The following ZPBP variants were observed in gnomAD, a reference collection of about 807,000 sequenced individuals.
ZPBP encodes the protein zona pellucida binding protein.
A neutral mutation model predicts 44.8 loss-of-function variants in ZPBP; 26 were observed. The ratio of observed to expected loss-of-function variants is 0.58; its 90% CI spans 0.43 to 0.81. The LOEUF (loss-of-function observed/expected upper bound fraction) is 0.81. ZPBP is among the 30% of genes least tolerant of loss of function. ZPBP has a pLI of 0.00. For missense variants in ZPBP, 409 were observed against 434.0 expected (o/e 0.94, Z 0.51); for synonymous variants, 174 against 153.2 (o/e 1.14, Z -1.00).
chr7:49,929,846 A>G (rs188322582), intron 1 of ZPBP, among the ~76,000 whole-genome samples: 121 of 152,344 alleles, frequency 7.9e-4, no homozygotes, highest in Admixed American at 2.3e-3. Flanking sequence ...TACTAATGTG[A>G]AGGGTGTGTA....
At chr7:49,940,654 C>CAAAA in intron 7 of ZPBP, 1 of 472,494 alleles carries the variant, frequency 2.1e-6, no homozygotes, top group Non-Finnish European at 2.7e-6. Context: ...GTTCTGAATC[C>CAAAA]AAAAAAAAAA....
At chr7:50,087,307 G>T (rs1802708828) in intron 2 of ZPBP, among the ~76,000 whole-genome samples, 3 of 151,922 alleles carry the variant, frequency 2.0e-5, no homozygotes, top group Admixed American at 1.3e-4. Flanking sequence ...CATAAGAAAG[G>T]ATTATACATC....
chr7:49,897,487 A>C (rs1792447335), intron 2 of ZPBP, among the ~76,000 whole-genome samples: 1 of 152,190 alleles, frequency 6.6e-6, no homozygotes, highest in Non-Finnish European at 1.5e-5. Flanking sequence ...TTGGCTTAGT[A>C]CTCAAACACT....
intron 1 of ZPBP, among the ~76,000 whole-genome samples, chr7:50,091,746 G>T (rs1803002641): frequency 6.6e-6 from 1 of 152,100 alleles, no homozygotes; most frequent in Non-Finnish European, 1.5e-5. Flanking sequence ...AGTCTTCATT[G>T]TTAAATGAGC....
chr7:50,058,145 A>ATACAGTGCGGT lies in ZPBP; in HGVS notation c.335-5_335-4insACCGCACTGTA. 6.2e-7 allele frequency: 1 copy of ATACAGTGCGGT among 1,613,644 alleles called. No homozygotes were observed. The highest frequency in any genetic ancestry group is 2.2e-5 in the East Asian group (1 of 44,826). ...ATTTGTGCAGTGCGGTTTTCTACTA[A>ATACAGTGCGGT]AGGAATAAGATACAGTTACGAGTTG... On this transcript the variant is annotated splice_region_variant and splice_polypyrimidine_tract_variant and intron_variant, in intron 3 of 7. Coordinates refer to ENST00000046087, the MANE Select transcript of ZPBP (RefSeq NM_007009.3).
intron 1 of ZPBP, chr7:49,920,084 T>C (rs1005000078): frequency 3.3e-5 from 5 of 152,026 alleles, no homozygotes; most frequent in African/African-American, 1.2e-4. Flanking sequence ...AGAGGACAAA[T>C]CATGTTATTA....
At chr7:50,090,546 T>A (rs1562622450) in intron 1 of ZPBP, among the ~76,000 whole-genome samples, 1 of 151,418 alleles carries the variant, frequency 6.6e-6, no homozygotes, top group Non-Finnish European at 1.5e-5. Flanking sequence ...TGTATATATG[T>A]GTGCATATAT....
At chr7:50,034,288 C>G (rs1258530463) in intron 4 of ZPBP, among the ~76,000 whole-genome samples, 1 of 151,850 alleles carries the variant, frequency 6.6e-6, no homozygotes. Context: ...CCCACTCACT[C>G]ATCTGACTTG....
intron 1 of ZPBP, among the ~76,000 whole-genome samples, chr7:49,922,819 G>C (rs1367199202): frequency 6.6e-6 from 1 of 152,036 alleles, no homozygotes; most frequent in East Asian, 1.9e-4. Flanking sequence ...AACAACAATA[G>C]GTTCAGAATC....
chr7:49,913,821 G>A (rs1349931502), intron 1 of ZPBP: 1 of 151,974 alleles, frequency 6.6e-6, no homozygotes, highest in Non-Finnish European at 1.5e-5. Context: ...CAAGAAAAAT[G>A]GATACATCTA....
rs565111464 is a variant in ZPBP at position 50,080,649 on chromosome 7, CAT to C, written c.334+1123_334+1124del. ...TAAAATGTAAAACATATTTAAAACA[CAT>C]GTTTCTATTACATTATGTGCTACTA... On this transcript the variant is annotated intron_variant, in intron 3 of 7. Transcript: ENST00000046087. Among the ~76,000 whole-genome samples the C allele has an allele frequency of 2.8e-3, 418 of 151,850 alleles. 2 individuals are homozygous for C. The highest frequency in any genetic ancestry group is 9.2e-3 in the African/African-American group (380 of 41,518).
chr7:50,087,615 T>C (rs1802730663), intron 2 of ZPBP, among the ~76,000 whole-genome samples: 1 of 152,032 alleles, frequency 6.6e-6, no homozygotes, highest in African/African-American at 2.4e-5. Flanking sequence ...ATATCAATTG[T>C]GTTTCTTTAT....
rs72332840 is a variant in ZPBP at position 49,871,908 on chromosome 7, A to AACAC, written n.510-21398_510-21395dup. 7.3e-3 allele frequency among the ~76,000 whole-genome samples: 642 copies of AACAC among 87,888 alleles called. 8 individuals carry two copies. The highest frequency in any genetic ancestry group is 0.015 in the South Asian group (30 of 1,988). The allele number at this position is 87,888 out of a possible 152,430, so 57.7% of individuals were successfully genotyped here. A position where few individuals can be genotyped will look rare whatever the true frequency, so the allele number is the denominator to read the frequency against. On this transcript the variant is annotated intron_variant and non_coding_transcript_variant, in intron 2 of 2. Coordinates refer to the ZPBP transcript ENST00000465922. ...TTTTGTATGTATATGTGTGTATATAAACACACACACACACACACACACACA... is the reference window on the plus strand; with the variant it reads ...TTTTGTATGTATATGTGTGTATATAAACACACACACACACACACACACACACACA...
At chr7:49,999,366 T>C (rs1797998395) in intron 6 of ZPBP, among the ~76,000 whole-genome samples, 2 of 152,042 alleles carry the variant, frequency 1.3e-5, no homozygotes, top group South Asian at 4.1e-4. Flanking sequence ...TCTATTATCC[T>C]GTGATTTTTA....
intron 2 of ZPBP, among the ~76,000 whole-genome samples, chr7:49,888,907 A>G (rs1321142714): frequency 6.6e-6 from 1 of 151,962 alleles, no homozygotes; most frequent in Non-Finnish European, 1.5e-5. Context: ...GCGAGACTTC[A>G]TCTCAAAAAA....
chr7:50,015,863 T>C (rs1798797150), intron 6 of ZPBP, among the ~76,000 whole-genome samples: 2 of 152,152 alleles, frequency 1.3e-5, no homozygotes, highest in Non-Finnish European at 2.9e-5. Flanking sequence ...CGCAATGAGA[T>C]AGCATCTCAT....
At chr7:50,052,790 T>C (rs909782780) in intron 4 of ZPBP, among the ~76,000 whole-genome samples, 4 of 152,000 alleles carry the variant, frequency 2.6e-5, no homozygotes, top group Admixed American at 6.6e-5. Flanking sequence ...GTGTGATAGA[T>C]GCACAAAGCT....
At chr7:50,085,403 C>A (rs948414254) in intron 2 of ZPBP, among the ~76,000 whole-genome samples, 1 of 152,100 alleles carries the variant, frequency 6.6e-6, no homozygotes, top group Non-Finnish European at 1.5e-5. Context: ...TCAGTAGGAA[C>A]AGTGAGCTTG....
chr7:49,852,396 C>G (rs1037417990), intron 2 of ZPBP, among the ~76,000 whole-genome samples: 3 of 152,232 alleles, frequency 2.0e-5, no homozygotes, highest in African/African-American at 7.2e-5. Flanking sequence ...CCTGTTCACT[C>G]ATCTCCTTAA....
Sources: gnomAD v4.1 joint callset for allele counts (sites outside exome capture counted in the v4.1 genomes callset) on GRCh38, gnomAD v4.1.1 for gene constraint, MANE v1.5 for transcripts, NCBI Gene and HGNC (gene_info 2026-07-23, HGNC 2026-07-21) for gene names.